The following PPFIA2 variants were observed in gnomAD, a reference collection of about 807,000 sequenced individuals.
PPFIA2 encodes the protein PPFI scaffold protein A2.
A neutral mutation model predicts 175.5 loss-of-function variants in PPFIA2; 46 were observed. That is an observed-to-expected ratio of 0.26 (90% CI 0.21 to 0.34). The LOEUF is 0.34. Among genes scored for constraint, PPFIA2 ranks in the 10% least tolerant of loss-of-function variants. The pLI is 1.00. For synonymous variants in PPFIA2, 568 were observed against 511.4 expected (o/e 1.11, Z -1.49); for missense variants, 1,179 against 1,506.1 (o/e 0.78, Z 3.60).
chr12:81,374,567 AT>A, intron 11 of PPFIA2, 66 bp downstream of exon 11: 1 of 1,493,358 alleles, frequency 6.7e-7, no homozygotes, highest in African/African-American at 1.4e-5. Context: ...ATCTTTACAC[AT>A]TCCATTTTGA....
intron 4 of PPFIA2, among the ~76,000 whole-genome samples, chr12:81,517,066 A>G (rs1465255110): frequency 6.6e-6 from 1 of 152,096 alleles, no homozygotes; most frequent in African/African-American, 2.4e-5. Flanking sequence ...AAGACAAGTA[A>G]AATAAAATAT....
chr12:81,328,716 T>C (rs146726675), intron 21 of PPFIA2, among the ~76,000 whole-genome samples: 6 of 152,232 alleles, frequency 3.9e-5, no homozygotes, highest in Admixed American at 1.3e-4. Flanking sequence ...TTTTTGGGTA[T>C]TATAATGATT....
intron 3 of PPFIA2, among the ~76,000 whole-genome samples, chr12:81,749,815 C>T (rs2083516741): frequency 6.9e-6 from 1 of 144,292 alleles, no homozygotes; most frequent in African/African-American, 2.4e-5. Context: ...AGTTCTGACT[C>T]AAACTGGTGA....
intron 28 of PPFIA2, among the ~76,000 whole-genome samples, chr12:81,275,326 T>C (rs745347547): frequency 6.6e-6 from 1 of 152,242 alleles, no homozygotes; most frequent in Non-Finnish European, 1.5e-5. Flanking sequence ...AAGAAATCCA[T>C]TGTGAGTCTG....
chr12:81,535,957 C>T (rs1370035286), intron 4 of PPFIA2, among the ~76,000 whole-genome samples: 1 of 151,682 alleles, frequency 6.6e-6, no homozygotes, highest in Non-Finnish European at 1.5e-5. Context: ...CATTAGCAAA[C>T]CGTGCTATTA....
chr12:81,662,605 C>T (rs897637259), intron 4 of PPFIA2, among the ~76,000 whole-genome samples: 7 of 152,088 alleles, frequency 4.6e-5, no homozygotes, highest in African/African-American at 7.2e-5. Context: ...GATTCACAGC[C>T]GAATTCTACC....
At chr12:81,665,239 T>A (rs950480054) in intron 4 of PPFIA2, among the ~76,000 whole-genome samples, 2 of 152,060 alleles carry the variant, frequency 1.3e-5, no homozygotes, top group Non-Finnish European at 2.9e-5. Flanking sequence ...ACTCTTTTTC[T>A]AACCCAGAGT....
At position 81,339,168 on chromosome 12, in the gene PPFIA2, A is replaced by C; in HGVS notation, c.2548+12T>G. 3 of 1,576,124 alleles carry C rather than the reference A, an allele frequency of 1.9e-6. No homozygotes were observed. Among genetic ancestry groups the C allele is most frequent in the Non-Finnish European group, 2.6e-6 (3 of 1,162,174 alleles). On this transcript the variant is annotated intron_variant, in intron 21 of 32. Transcript: ENST00000549396. ...GAGTGGCAGTGGAAAGTCTTAACACATGCATACTTACGGAGCTGCCCAAGT... is the reference window on the plus strand; with the variant it reads ...GAGTGGCAGTGGAAAGTCTTAACACCTGCATACTTACGGAGCTGCCCAAGT...
At chr12:81,646,968 T>C (rs1439483106) in intron 4 of PPFIA2, among the ~76,000 whole-genome samples, 2 of 150,190 alleles carry the variant, frequency 1.3e-5, no homozygotes, top group Admixed American at 6.7e-5. Context: ...AAATAGTCCA[T>C]AGAACCAGAA....
rs1249311442 is a variant in PPFIA2, at chr12:81,323,190, G to GT, written c.2642+2586_2642+2587insA. On this transcript the variant is annotated intron_variant, in intron 22 of 32. Coordinates refer to ENST00000549396, the MANE Select transcript of PPFIA2 (RefSeq NM_003625.5). ...AGTTACAGACTGTCAATTCTAAATA[G>GT]CTGCTATCCTAGCAAATTTGAAAAT... Among the ~76,000 whole-genome samples, 391 of 152,154 alleles carry GT rather than the reference G, an allele frequency of 2.6e-3. 1 individual carries two copies. Among genetic ancestry groups the GT allele is most frequent in the African/African-American group, 9.1e-3 (376 of 41,526 alleles).
chr12:81,691,279 T>G (rs2075212096), intron 3 of PPFIA2, among the ~76,000 whole-genome samples: 1 of 152,194 alleles, frequency 6.6e-6, no homozygotes, highest in Non-Finnish European at 1.5e-5. Context: ...ATATATTGCC[T>G]GATATTATCA....
chr12:81,676,935 A>T, intron 3 of PPFIA2, 91 bp from the exon 4 acceptor site: 1 of 862,300 alleles, frequency 1.2e-6, no homozygotes, highest in Non-Finnish European at 1.7e-6. Flanking sequence ...TTTAGCTGCA[A>T]AGTTAGGGCA....
chr12:81,334,383 T>G (rs929375885), intron 21 of PPFIA2, among the ~76,000 whole-genome samples: 3 of 152,116 alleles, frequency 2.0e-5, no homozygotes, highest in Non-Finnish European at 2.9e-5. Context: ...TTTCCTAAAG[T>G]CCATAATTGG....
At chr12:81,455,372 G>T (rs569573767) in intron 5 of PPFIA2, among the ~76,000 whole-genome samples, 1 of 152,048 alleles carries the variant, frequency 6.6e-6, no homozygotes. Flanking sequence ...TGATGCAGTC[G>T]ACAACAAAAA....
chr12:81,708,405 G>A (rs1489042060), intron 3 of PPFIA2, among the ~76,000 whole-genome samples: 1 of 151,950 alleles, frequency 6.6e-6, no homozygotes, highest in Non-Finnish European at 1.5e-5. Flanking sequence ...AAATTTTAAA[G>A]AATGAAATTA....
chr12:81,386,175 G>A (rs1464817732), intron 8 of PPFIA2, among the ~76,000 whole-genome samples: 2 of 151,534 alleles, frequency 1.3e-5, no homozygotes, highest in African/African-American at 4.8e-5. Context: ...CTGCTCAAGA[G>A]GCTGAGGCAA....
At chr12:81,669,883 G>A (rs926813832) in intron 4 of PPFIA2, among the ~76,000 whole-genome samples, 4 of 151,972 alleles carry the variant, frequency 2.6e-5, no homozygotes, top group African/African-American at 4.8e-5. Flanking sequence ...ATAGCTTTAA[G>A]GCTAAATGTA....
At chr12:81,328,792 T>C (rs893384339) in intron 21 of PPFIA2, among the ~76,000 whole-genome samples, 7 of 148,076 alleles carry the variant, frequency 4.7e-5, no homozygotes, top group Admixed American at 2.8e-4. Flanking sequence ...CTGCAGCTTG[T>C]TTCTTTTTTC....
At chr12:81,722,244 C>T (rs2079454028) in intron 3 of PPFIA2, among the ~76,000 whole-genome samples, 1 of 150,828 alleles carries the variant, frequency 6.6e-6, no homozygotes, top group African/African-American at 2.4e-5. Context: ...TTAATCTTAA[C>T]AAAAAAATCA....
Sources: allele counts gnomAD v4.1 joint callset (sites outside exome capture counted in the v4.1 genomes callset), GRCh38; gene constraint gnomAD v4.1.1; transcripts MANE v1.5; gene names NCBI Gene and HGNC (gene_info 2026-07-23, HGNC 2026-07-21).